MGAT4C: variants seen among roughly 807,000 people sequenced by gnomAD.
MGAT4C encodes MGAT4 family member C.
MGAT4C carries 19 observed loss-of-function variants against 40.1 expected under a neutral mutation model. That is an observed-to-expected ratio of 0.47 (90% CI 0.33 to 0.70). MGAT4C has a LOEUF of 0.70. MGAT4C is among the 30% of genes least tolerant of loss of function. The pLI is 0.02. For synonymous variants in MGAT4C, 181 were observed against 187.1 expected (o/e 0.97, Z 0.27); for missense variants, 491 against 563.2 (o/e 0.87, Z 1.30).
intron 1 of MGAT4C, among the ~76,000 whole-genome samples, chr12:86,781,661 T>A (rs766107560): frequency 6.6e-6 from 1 of 152,140 alleles, no homozygotes; most frequent in Non-Finnish European, 1.5e-5. Context: ...AACATCCCTG[T>A]CCTCATAGAA....
chr12:86,379,837 T>C (rs1428866871), intron 3 of MGAT4C, among the ~76,000 whole-genome samples: 1 of 152,106 alleles, frequency 6.6e-6, no homozygotes, highest in Non-Finnish European at 1.5e-5. Flanking sequence ...AATTTTGTTT[T>C]ATCCTGAGTT....
intron 2 of MGAT4C, among the ~76,000 whole-genome samples, chr12:86,600,389 GT>G (rs1961722750): frequency 6.6e-6 from 1 of 152,148 alleles, no homozygotes; most frequent in African/African-American, 2.4e-5. Context: ...ATGGAGGCTC[GT>G]TAATGGTTTT....
chr12:86,428,013 C>T (rs547729325), intron 3 of MGAT4C, among the ~76,000 whole-genome samples: 1 of 151,722 alleles, frequency 6.6e-6, no homozygotes, highest in South Asian at 2.1e-4. Flanking sequence ...GAGCGAGAGT[C>T]CATTTCAAAA....
intron 2 of MGAT4C, among the ~76,000 whole-genome samples, chr12:86,573,901 T>C (rs1420444645): frequency 1.3e-5 from 2 of 151,986 alleles, no homozygotes; most frequent in Non-Finnish European, 2.9e-5. Context: ...TACATTTCCT[T>C]GAATCTGTAA....
In MGAT4C at chr12:85,973,013, T is replaced by G. The variant is rs1283109845; in HGVS notation, c.*6276A>C. 6.6e-6 allele frequency: 1 copy of G among 150,890 alleles called. No individual in the cohort carries two copies. Among genetic ancestry groups the G allele is most frequent in the Non-Finnish European group, 1.5e-5 (1 of 67,120 alleles). The allele number at this position is 150,890 out of a possible 1,614,324, so 9.3% of individuals were successfully genotyped here. On this transcript the variant is annotated 3_prime_UTR_variant, in exon 5 of 5. Coordinates refer to ENST00000611864, the MANE Select transcript of MGAT4C (RefSeq NM_001351288.2). The stretch of plus-strand genomic sequence containing the variant: ...CATACTATAGACAAAACTGACAGAT[T>G]ATTATTCAATGAGAAACCTGACTCA...
At chr12:86,767,100 A>C (rs1302792769) in intron 1 of MGAT4C, among the ~76,000 whole-genome samples, 1 of 152,190 alleles carries the variant, frequency 6.6e-6, no homozygotes, top group African/African-American at 2.4e-5. Context: ...TGAAAAGATC[A>C]ACAAAATTGA....
intron 2 of MGAT4C, among the ~76,000 whole-genome samples, chr12:86,020,195 C>A (rs985753975): frequency 6.6e-6 from 1 of 152,094 alleles, no homozygotes; most frequent in Non-Finnish European, 1.5e-5. Context: ...CCTTCTCCTG[C>A]CTGACTGCCC....
chr12:86,835,251 A>C (rs1357916426), intron 1 of MGAT4C, among the ~76,000 whole-genome samples: 1 of 151,982 alleles, frequency 6.6e-6, no homozygotes, highest in Non-Finnish European at 1.5e-5. Context: ...CAATAAAAAC[A>C]GTTTCTAGCA....
chr12:86,582,956 T>C (rs374526043), intron 2 of MGAT4C, among the ~76,000 whole-genome samples: 5 of 151,300 alleles, frequency 3.3e-5, no homozygotes, highest in East Asian at 3.9e-4. Context: ...AAAACATCAC[T>C]ACTTTACCCA....
intron 3 of MGAT4C, among the ~76,000 whole-genome samples, chr12:86,386,165 C>T (rs546650222): frequency 4.1e-4 from 63 of 152,216 alleles, no homozygotes; most frequent in African/African-American, 1.4e-3. Flanking sequence ...CTCCTAACTT[C>T]GTGATCCACC....
At chr12:86,079,130 G>T (rs953695238) in intron 1 of MGAT4C, among the ~76,000 whole-genome samples, 1 of 152,160 alleles carries the variant, frequency 6.6e-6, no homozygotes, top group African/African-American at 2.4e-5. Flanking sequence ...ATTAATGTTG[G>T]TGTAGTGGTG....
At position 86,019,338 on chromosome 12, in the gene MGAT4C, C is replaced by T. The variant is rs35905827; in HGVS notation, c.-6-29786G>A. Among the ~76,000 whole-genome samples the T allele has an allele frequency of 6.0e-3, 918 of 152,122 alleles. 6 individuals carry two copies. Among genetic ancestry groups the T allele is most frequent in the Non-Finnish European group, 0.011 (729 of 67,984 alleles). ...GAACTAAGATAGTTTTAGTGGTGTGCCCCAGTATAATAGATAGCAAGTATG... is the reference window on the plus strand; with the variant it reads ...GAACTAAGATAGTTTTAGTGGTGTGTCCCAGTATAATAGATAGCAAGTATG... On this transcript the variant is annotated intron_variant, in intron 2 of 4. Coordinates refer to ENST00000611864, the MANE Select transcript of MGAT4C (RefSeq NM_001351288.2).
chr12:86,452,399 C>G (rs1957439432), intron 2 of MGAT4C, among the ~76,000 whole-genome samples: 1 of 143,038 alleles, frequency 7.0e-6, no homozygotes, highest in Admixed American at 6.9e-5. Context: ...TCCCCTTTAA[C>G]TAGGGCCATT....
At chr12:86,019,334 T>C (rs891673089) in intron 2 of MGAT4C, among the ~76,000 whole-genome samples, 7 of 152,162 alleles carry the variant, frequency 4.6e-5, no homozygotes, top group African/African-American at 1.7e-4. Context: ...GTTTTAGTGG[T>C]GTGCCCCAGT....
Position 85,970,267 on chromosome 12 carries a change from A to C in MGAT4C, c.*9022T>G, listed in dbSNP as rs1762718931. The C allele has an allele frequency of 1.3e-5, 2 of 151,468 alleles. No homozygotes were observed. The highest frequency in any genetic ancestry group is 4.1e-4 in the South Asian group (2 of 4,820). The allele number at this position is 151,468 out of a possible 1,614,324, so 9.4% of individuals were successfully genotyped here. A position where few individuals can be genotyped will look rare whatever the true frequency, so the allele number is the denominator to read the frequency against. ...GATTTTGTTTATATAAATAATATTGAATTATTTATATTCTTATTTAGTCTA... is the reference window on the plus strand; with the variant it reads ...GATTTTGTTTATATAAATAATATTGCATTATTTATATTCTTATTTAGTCTA... On this transcript the variant is annotated 3_prime_UTR_variant, in exon 5 of 5. Coordinates refer to ENST00000611864, the MANE Select transcript of MGAT4C (RefSeq NM_001351288.2).
rs922494294 is a variant in MGAT4C at position 86,694,035 on chromosome 12, G to A, written c.-229+33174C>T. ...TATAAATCCAAAGCAAAATAAGGAG[G>A]AATACACTTTTAACATGTAGCTTCT... On this transcript the variant is annotated intron_variant, in intron 2 of 7. Coordinates refer to the MGAT4C transcript ENST00000548651. Among the ~76,000 whole-genome samples, 5 of 152,208 alleles carry A rather than the reference G, an allele frequency of 3.3e-5. No individual in the cohort carries two copies. In the East Asian group the frequency reaches 9.6e-4, roughly 29 times the overall value.
At chr12:86,090,493 T>C (rs1201784156) in intron 1 of MGAT4C, among the ~76,000 whole-genome samples, 1 of 151,778 alleles carries the variant, frequency 6.6e-6, no homozygotes, top group Non-Finnish European at 1.5e-5. Flanking sequence ...TAAATATGTA[T>C]GATATATTGG....
intron 2 of MGAT4C, among the ~76,000 whole-genome samples, chr12:86,655,102 A>G (rs757914289): frequency 9.9e-5 from 15 of 151,776 alleles, no homozygotes; most frequent in Non-Finnish European, 1.6e-4. Flanking sequence ...TTTGTTGCAT[A>G]GGTATATATG....
At chr12:86,144,577 T>A (rs1403619714) in intron 1 of MGAT4C, among the ~76,000 whole-genome samples, 1 of 152,186 alleles carries the variant, frequency 6.6e-6, no homozygotes, top group Non-Finnish European at 1.5e-5. Context: ...TTTCCATGAA[T>A]TACAACCCCA....
Sources: gnomAD v4.1 joint callset for allele counts (sites outside exome capture counted in the v4.1 genomes callset) on GRCh38, gnomAD v4.1.1 for gene constraint, MANE v1.5 for transcripts, NCBI Gene and HGNC (gene_info 2026-07-23, HGNC 2026-07-21) for gene names.